ST8SIA1: variants seen among roughly 807,000 people sequenced by gnomAD.
ST8SIA1 encodes the protein alpha-N-acetylneuraminide alpha-2,8-sialyltransferase.
Under a neutral mutation model 35.9 loss-of-function variants are expected in ST8SIA1, and 16 were observed. That is an observed-to-expected ratio of 0.45 (90% CI 0.30 to 0.68). ST8SIA1 has a LOEUF of 0.68. Ranked by LOEUF, ST8SIA1 falls within the 30% of genes least tolerant of loss-of-function variation. The pLI is 0.09. For missense variants in ST8SIA1, 383 were observed against 453.6 expected (o/e 0.84, Z 1.41); for synonymous variants, 170 against 169.6 (o/e 1.00, Z -0.02).
chr12:22,278,845 C>G (rs1390947871), intron 2 of ST8SIA1, among the ~76,000 whole-genome samples: 1 of 152,156 alleles, frequency 6.6e-6, no homozygotes, highest in Non-Finnish European at 1.5e-5. Context: ...GTCTTACCCT[C>G]AAAAAGCACT....
intron 4 of ST8SIA1, chr12:22,223,640 G>A: frequency 8.7e-7 from 1 of 1,145,296 alleles, no homozygotes; most frequent in South Asian, 1.8e-5. Context: ...TCTCAACGTG[G>A]CAGGGATTCT....
intron 4 of ST8SIA1, among the ~76,000 whole-genome samples, chr12:22,232,027 G>T (rs980969246): frequency 6.6e-6 from 1 of 152,178 alleles, no homozygotes; most frequent in African/African-American, 2.4e-5. Flanking sequence ...AAGGAGACAG[G>T]AGACCCACAG....
intron 4 of ST8SIA1, among the ~76,000 whole-genome samples, chr12:22,227,278 T>C (rs1865370162): frequency 6.6e-6 from 1 of 151,940 alleles, no homozygotes; most frequent in African/African-American, 2.4e-5. Flanking sequence ...TTTTCTGTGT[T>C]ACAAAATGTT....
rs757887864 is a variant in ST8SIA1, at chr12:22,260,874, GT to G, written c.382-5486del. On this transcript the variant is annotated intron_variant, in intron 2 of 4. Transcript: ENST00000396037. Reference sequence around the variant, plus strand: ...AATTTCAAAGATTTATATAGTTGTTGTTTTTTTTTTTTTTTTTTTTGAGACA... The same window carrying G: ...AATTTCAAAGATTTATATAGTTGTTGTTTTTTTTTTTTTTTTTTTGAGACA... Among the ~76,000 whole-genome samples, 1,052 of 114,330 alleles carry G rather than the reference GT, an allele frequency of 9.2e-3. 15 individuals carry two copies. The highest frequency in any genetic ancestry group is 0.031 in the African/African-American group (900 of 29,392). 75.0% of individuals were successfully genotyped at this position (114,330 alleles called of 152,430 possible). A position where few individuals can be genotyped will look rare whatever the true frequency, so the allele number is the denominator to read the frequency against.
In ST8SIA1 at chr12:22,204,822, G is replaced by T. The variant is rs1007863138; in HGVS notation, c.585-2784C>A. Among the ~76,000 whole-genome samples, 6 of 152,050 alleles carry T rather than the reference G, an allele frequency of 3.9e-5. No homozygotes were observed. The East Asian group carries it at 7.7e-4, about 20-fold the overall frequency. ...TAGATTCAATTCAATAATTGTTATG[G>T]TATACTGAATATGTTTAATATTACC... On this transcript the variant is annotated intron_variant, in intron 4 of 4. Coordinates refer to ENST00000396037, the MANE Select transcript of ST8SIA1 (RefSeq NM_003034.4).
rs1865715769 is a variant in ST8SIA1 at position 22,255,228 on chromosome 12, G to GCTT, written c.491+51_491+52insAAG. 3.5e-6 allele frequency: 5 copies of GCTT among 1,429,040 alleles called. No homozygotes were observed. In the South Asian group the frequency reaches 4.6e-5, roughly 13 times the overall value. 88.5% of individuals were successfully genotyped at this position (1,429,040 alleles called of 1,614,324 possible). A position where few individuals can be genotyped will look rare whatever the true frequency, so the allele number is the denominator to read the frequency against. On this transcript the variant is annotated intron_variant, in intron 3 of 4. Coordinates refer to ENST00000396037, the MANE Select transcript of ST8SIA1 (RefSeq NM_003034.4). ...GAAAAGCCCCAGGGCTTATGGGAGG[G>GCTT]GTGGGGAAAAGGAGAGAAGGCAGAG... is the stretch of plus-strand genomic sequence containing the variant.
intron 4 of ST8SIA1, among the ~76,000 whole-genome samples, chr12:22,204,115 T>C (rs1211495545): frequency 1.3e-5 from 2 of 152,116 alleles, no homozygotes; most frequent in Non-Finnish European, 1.5e-5. Context: ...TTCCCCTCTG[T>C]ATCTTGAGAC....
chr12:22,303,986 C>G (rs1164704400), intron 1 of ST8SIA1, among the ~76,000 whole-genome samples: 1 of 152,146 alleles, frequency 6.6e-6, no homozygotes, highest in Non-Finnish European at 1.5e-5. Flanking sequence ...ACAAGGCCAC[C>G]TTTTTGCTAG....
At chr12:22,232,708 G>A (rs1031816172) in intron 4 of ST8SIA1, among the ~76,000 whole-genome samples, 16 of 152,108 alleles carry the variant, frequency 1.1e-4, no homozygotes, top group African/African-American at 1.4e-4. Context: ...ACATGGTGGC[G>A]CATGCCTGTA....
intron 4 of ST8SIA1, among the ~76,000 whole-genome samples, chr12:22,218,662 A>T (rs905228268): frequency 1.4e-5 from 2 of 139,194 alleles, no homozygotes; most frequent in African/African-American, 2.6e-5. Flanking sequence ...GCCTGGTGGC[A>T]GGCGCCTATA....
At chr12:22,223,466 T>G in intron 4 of ST8SIA1, 2 of 982,824 alleles carry the variant, frequency 2.0e-6, no homozygotes, top group Non-Finnish European at 2.4e-6. Context: ...CTCAGACTTC[T>G]TTATAGCCGG....
At position 22,200,220 on chromosome 12, in the gene ST8SIA1, C is replaced by T. The variant is rs567788730; in HGVS notation, c.*1332G>A. On this transcript the variant is annotated 3_prime_UTR_variant, in exon 5 of 5. Coordinates refer to ENST00000396037, the MANE Select transcript of ST8SIA1 (RefSeq NM_003034.4). The stretch of plus-strand genomic sequence containing the variant: ...GGTAAGCATTTGGGGGTAAGACTTG[C>T]ATCTTGTGCTGCTATGGGTATTATG... The T allele has an allele frequency of 2.0e-5, 3 of 152,284 alleles. No individual in the cohort carries two copies. The highest frequency in any genetic ancestry group is 7.2e-5 in the African/African-American group (3 of 41,550). The allele number at this position is 152,284 out of a possible 1,614,324, so 9.4% of individuals were successfully genotyped here.
At chr12:22,220,864 C>G (rs1865290760) in intron 4 of ST8SIA1, among the ~76,000 whole-genome samples, 1 of 152,194 alleles carries the variant, frequency 6.6e-6, no homozygotes, top group African/African-American at 2.4e-5. Flanking sequence ...GGACACCAAG[C>G]TGACAACCAG....
chr12:22,327,758 T>C (rs1347343916), intron 1 of ST8SIA1, among the ~76,000 whole-genome samples: 1 of 152,186 alleles, frequency 6.6e-6, no homozygotes, highest in African/African-American at 2.4e-5. Context: ...TCCCCTCTCC[T>C]GACCCTCCCT....
intron 4 of ST8SIA1, among the ~76,000 whole-genome samples, chr12:22,212,798 T>A (rs1217949484): frequency 6.6e-6 from 1 of 152,192 alleles, no homozygotes; most frequent in African/African-American, 2.4e-5. Context: ...TTTGTAAGAC[T>A]ACAGTGGGGC....
chr12:22,274,323 G>A (rs769568050), intron 2 of ST8SIA1, among the ~76,000 whole-genome samples: 4 of 152,166 alleles, frequency 2.6e-5, no homozygotes, highest in Non-Finnish European at 4.4e-5. Context: ...GTAATGGACT[G>A]GAGAAGAGGC....
At chr12:22,325,655 G>C (rs1866665979) in intron 1 of ST8SIA1, 1 of 613,762 alleles carries the variant, frequency 1.6e-6, no homozygotes, top group Non-Finnish European at 2.9e-6. Context: ...TGAAACTTCA[G>C]ATGGTACCAA....
intron 2 of ST8SIA1, among the ~76,000 whole-genome samples, chr12:22,261,822 C>T (rs1256218780): frequency 6.6e-6 from 1 of 152,104 alleles, no homozygotes; most frequent in Non-Finnish European, 1.5e-5. Flanking sequence ...CTCAAACAGC[C>T]CTAATACCTA....
intron 4 of ST8SIA1, among the ~76,000 whole-genome samples, chr12:22,227,550 C>G (rs921819390): frequency 6.6e-6 from 1 of 151,772 alleles, no homozygotes; most frequent in South Asian, 2.1e-4. Flanking sequence ...CCAGCCTGGG[C>G]GACAGAGCAA....
Sources: allele counts gnomAD v4.1 joint callset (sites outside exome capture counted in the v4.1 genomes callset), GRCh38; gene constraint gnomAD v4.1.1; transcripts MANE v1.5; gene names NCBI Gene and HGNC (gene_info 2026-07-23, HGNC 2026-07-21).